COL4A6: variants seen among roughly 807,000 people sequenced by gnomAD.
COL4A6 encodes collagen type IV alpha 6 chain.
In COL4A6, 59 loss-of-function variants were observed where a neutral mutation model predicts 126.7. The observed-to-expected ratio is 0.47, with a 90% confidence interval of 0.38 to 0.58. COL4A6 has a LOEUF of 0.58. COL4A6 is among the 20% of genes least tolerant of loss of function. COL4A6 has a pLI of 0.00. For missense variants in COL4A6, 1,285 were observed against 1,337.3 expected (o/e 0.96, Z 0.61); for synonymous variants, 547 against 496.6 (o/e 1.10, Z -1.35).
chrX:108,170,648 T>C lies in COL4A6; in HGVS notation c.3454A>G (p.Ile1152Val). Reference protein sequence around the residue: ...LPGSSGHQGAIGPLGSPGLIG... With the variant: ...LPGSSGHQGAVGPLGSPGLIG... ...AATCCGGGGGATCCTAGAGGCCCAA[T>C]TGCCCCTTGGTGACCAGAAGAACCT... The change falls in exon 35 of 45, where the codon ATT (isoleucine) becomes GTT (valine). Residue 1152 changes from isoleucine (I) to valine (V), a missense_variant. Ile to Val is a conservative substitution (Grantham distance 29, BLOSUM62 3). Coordinates refer to ENST00000334504, the MANE Select transcript of COL4A6 (RefSeq NM_033641.4). 1 of 1,205,923 alleles carries C rather than the reference T, an allele frequency of 8.3e-7. No individual in the cohort carries two copies. Among genetic ancestry groups the C allele is most frequent in the Non-Finnish European group, 1.1e-6 (1 of 893,942 alleles).
chrX:108,252,025 A>G (rs1253161490), intron 3 of COL4A6, among the ~76,000 whole-genome samples: 1 of 111,214 alleles, frequency 9.0e-6, no homozygotes, highest in Non-Finnish European at 1.9e-5. Context: ...GAAATATACA[A>G]TACACTATTG....
At chrX:108,407,191 A>G (rs2041224579) in intron 2 of COL4A6, among the ~76,000 whole-genome samples, 1 of 112,113 alleles carries the variant, frequency 8.9e-6, no homozygotes. Flanking sequence ...AACTTTTATA[A>G]CCAGAAACTG....
intron 2 of COL4A6, among the ~76,000 whole-genome samples, chrX:108,394,464 A>C (rs977251170): frequency 9.0e-6 from 1 of 111,474 alleles, no homozygotes; most frequent in African/African-American, 3.3e-5. Context: ...GTAATGGCGA[A>C]AACTTCAATT....
chrX:108,403,110 C>T (rs914192905), intron 2 of COL4A6, among the ~76,000 whole-genome samples: 28 of 110,570 alleles, frequency 2.5e-4, no homozygotes, highest in African/African-American at 7.9e-4. Context: ...CCATTTCGAT[C>T]GGTAAGTGAT....
chrX:108,336,605 G>T (rs1413364516), intron 2 of COL4A6, among the ~76,000 whole-genome samples: 2 of 110,947 alleles, frequency 1.8e-5, no homozygotes, highest in East Asian at 5.7e-4. Flanking sequence ...GCCATGAATT[G>T]TACTGTTTAA....
At chrX:108,160,683 T>C in intron 42 of COL4A6, 29 bp from the exon 43 acceptor site, 1 of 1,153,947 alleles carries the variant, frequency 8.7e-7, no homozygotes, top group Non-Finnish European at 1.2e-6. Context: ...AAAAGGTGAG[T>C]GTGGTGCAGC....
intron 3 of COL4A6, among the ~76,000 whole-genome samples, chrX:108,246,761 T>C (rs1344987796): frequency 9.3e-6 from 1 of 107,039 alleles, no homozygotes; most frequent in Non-Finnish European, 1.9e-5. Flanking sequence ...GCCTAGGACC[T>C]ATGACCACTT....
At chrX:108,278,103 A>G (rs888364457) in intron 3 of COL4A6, among the ~76,000 whole-genome samples, 5 of 112,613 alleles carry the variant, frequency 4.4e-5, no homozygotes, top group Middle Eastern at 4.6e-3. Context: ...CTCCAAAGGA[A>G]CGCAGCTCCT....
At chrX:108,190,745 T>C (rs914501196) in intron 19 of COL4A6, among the ~76,000 whole-genome samples, 1 of 112,165 alleles carries the variant, frequency 8.9e-6, no homozygotes, top group Non-Finnish European at 1.9e-5. Flanking sequence ...TATTAGACAG[T>C]GGGGTTAGAG....
At chrX:108,364,319 C>A (rs2040150732) in intron 2 of COL4A6, among the ~76,000 whole-genome samples, 1 of 110,439 alleles carries the variant, frequency 9.1e-6, no homozygotes, top group South Asian at 4.1e-4. Flanking sequence ...CTGAAAATCA[C>A]CGAGAACTCC....
At chrX:108,224,174 G>A (rs993845839) in intron 3 of COL4A6, among the ~76,000 whole-genome samples, 4 of 111,553 alleles carry the variant, frequency 3.6e-5, no homozygotes, top group Non-Finnish European at 7.5e-5. Context: ...TAGGCAACTC[G>A]AGGGCTGGGC....
intron 2 of COL4A6, among the ~76,000 whole-genome samples, chrX:108,374,850 G>C (rs1279679648): frequency 8.9e-6 from 1 of 112,197 alleles, no homozygotes; most frequent in East Asian, 2.8e-4. Context: ...TGTTGTTATC[G>C]GCACTTGGCA....
At chrX:108,286,625 G>A (rs2038013058) in intron 3 of COL4A6, among the ~76,000 whole-genome samples, 3 of 111,559 alleles carry the variant, frequency 2.7e-5, no homozygotes, top group African/African-American at 9.8e-5. Flanking sequence ...AGGCTGTGGT[G>A]CAGTGACACA....
chrX:108,401,900 T>C (rs1421352290), intron 2 of COL4A6, among the ~76,000 whole-genome samples: 2 of 111,395 alleles, frequency 1.8e-5, no homozygotes, highest in Non-Finnish European at 3.8e-5. Context: ...CTATTGATAT[T>C]GTAATTTGAA....
chrX:108,285,251 A>C (rs1398624206), intron 3 of COL4A6, among the ~76,000 whole-genome samples: 1 of 111,353 alleles, frequency 9.0e-6, no homozygotes, highest in East Asian at 2.8e-4. Context: ...CTGAAGTCAC[A>C]ATCTGGAGTC....
At position 108,172,060 on chromosome X, in the gene COL4A6, AC is replaced by A. The variant is rs558036160; in HGVS notation, c.3202+408del. 4.0e-4 allele frequency among the ~76,000 whole-genome samples: 45 copies of A among 112,040 alleles called. No homozygotes were observed. In the South Asian group the frequency reaches 0.017, roughly 42 times the overall value. On this transcript the variant is annotated intron_variant, in intron 32 of 44. Coordinates refer to ENST00000334504, the MANE Select transcript of COL4A6 (RefSeq NM_033641.4). ...AGACTCTCCGCTACCCTCGCAAGAG[AC>A]CCTTGGGATGGCCAGGTGCAGTGGC...
chrX:108,381,436 A>G (rs1275354744), intron 2 of COL4A6, among the ~76,000 whole-genome samples: 1 of 112,358 alleles, frequency 8.9e-6, no homozygotes, highest in Non-Finnish European at 1.9e-5. Context: ...GTTGATGTCT[A>G]CATGTTGAAA....
intron 2 of COL4A6, among the ~76,000 whole-genome samples, chrX:108,319,567 A>T (rs186041135): frequency 2.7e-5 from 3 of 112,189 alleles, no homozygotes; most frequent in African/African-American, 9.7e-5. Context: ...GAGGAAAAAA[A>T]GTGATAAACT....
chrX:108,170,902 T>C lies in COL4A6; in HGVS notation c.3293A>G (p.Asp1098Gly), dbSNP rs1475460343. The change falls in exon 34 of 45, where the codon GAT becomes GGT. Residue 1098 changes from aspartate to glycine, a missense_variant. Coordinates refer to ENST00000334504, the MANE Select transcript of COL4A6 (RefSeq NM_033641.4). ...GAAGCCTATATTGCCTATTAGTCCATCTCTTCCTTTTGTGCCTATAAAACC... is the reference window on the plus strand; with the variant it reads ...GAAGCCTATATTGCCTATTAGTCCACCTCTTCCTTTTGTGCCTATAAAACC... Reference protein sequence around the residue: ...ESGFKGTKGRDGLIGNIGFPG... With the variant: ...ESGFKGTKGRGGLIGNIGFPG... The C allele has an allele frequency of 5.0e-6, 6 of 1,210,576 alleles. No homozygotes were observed. The highest frequency in any genetic ancestry group is 6.7e-6 in the Non-Finnish European group (6 of 894,143).
Sources: allele counts gnomAD v4.1 joint callset (sites outside exome capture counted in the v4.1 genomes callset), GRCh38; gene constraint gnomAD v4.1.1; transcripts MANE v1.5; gene names NCBI Gene and HGNC (gene_info 2026-07-23, HGNC 2026-07-21).